The following CCDC178 variants were observed in gnomAD, a reference collection of about 807,000 sequenced individuals.
The protein encoded by CCDC178 is coiled-coil domain containing 178.
In CCDC178, 126 loss-of-function variants were observed where a neutral mutation model predicts 117.4. The ratio of observed to expected loss-of-function variants is 1.07; its 90% CI spans 0.93 to 1.24. CCDC178 has a LOEUF of 1.24. Among genes scored for constraint, CCDC178 ranks in the 50% most tolerant of loss-of-function variants. The pLI is 0.00. For missense variants in CCDC178, 1,030 were observed against 986.9 expected (o/e 1.04, Z -0.59); for synonymous variants, 283 against 313.4 (o/e 0.90, Z 1.02).
intron 21 of CCDC178, among the ~76,000 whole-genome samples, chr18:33,036,593 T>C (rs927085092): frequency 6.6e-6 from 1 of 151,820 alleles, no homozygotes; most frequent in Non-Finnish European, 1.5e-5. Context: ...AGAAAGGGTA[T>C]GGCACGAGCA....
At chr18:33,388,988 G>C (rs986204236) in intron 5 of CCDC178, among the ~76,000 whole-genome samples, 88 of 152,118 alleles carry the variant, frequency 5.8e-4, no homozygotes, top group Non-Finnish European at 8.8e-4. Context: ...GGGCCTGTAG[G>C]GGGAGGGCAG....
intron 21 of CCDC178, among the ~76,000 whole-genome samples, chr18:33,041,226 T>G (rs1332703903): frequency 6.6e-6 from 1 of 151,854 alleles, no homozygotes; most frequent in Admixed American, 6.6e-5. Context: ...TGAGACATCT[T>G]ATTGATGTTT....
chr18:32,960,609 T>C (rs2054686850), intron 22 of CCDC178, among the ~76,000 whole-genome samples: 1 of 152,122 alleles, frequency 6.6e-6, no homozygotes, highest in African/African-American at 2.4e-5. Context: ...GCAATAAAGA[T>C]AGTCCCTAAA....
chr18:32,954,104 A>T (rs1055619266), intron 22 of CCDC178: 1 of 152,206 alleles, frequency 6.6e-6, no homozygotes. Context: ...TTATAAAAAA[A>T]GTTCTTCAAG....
chr18:32,983,229 C>A, intron 21 of CCDC178: 1 of 1,019,460 alleles, frequency 9.8e-7, no homozygotes, highest in Admixed American at 2.0e-5. Context: ...TTAGAGGTTA[C>A]AGTATTTCTG....
intron 21 of CCDC178, among the ~76,000 whole-genome samples, chr18:32,997,639 C>T: frequency 6.6e-6 from 1 of 152,008 alleles, no homozygotes; most frequent in Middle Eastern, 3.4e-3. Flanking sequence ...AGTATATATA[C>T]ATACCTGTGT....
At chr18:33,139,664 C>A (rs2058173607) in intron 20 of CCDC178, among the ~76,000 whole-genome samples, 2 of 152,114 alleles carry the variant, frequency 1.3e-5, no homozygotes, top group African/African-American at 4.8e-5. Flanking sequence ...GCAAAGCATT[C>A]AAGAGGTGAC....
intron 20 of CCDC178, among the ~76,000 whole-genome samples, chr18:33,187,086 G>GGAGAGAGAGAGAGAGAGAGAGAGAGAGA (rs58400297): frequency 1.4e-5 from 2 of 140,040 alleles, no homozygotes; most frequent in Non-Finnish European, 1.5e-5. Flanking sequence ...CATGGCGGCA[G>GGAGAGAGAGAGAGAGAGAGAGAGAGAGA]GAGAGAGAGA....
intron 20 of CCDC178, among the ~76,000 whole-genome samples, chr18:33,105,442 C>T (rs2057692208): frequency 6.6e-6 from 1 of 151,522 alleles, no homozygotes; most frequent in South Asian, 2.1e-4. Context: ...TGCATTAATA[C>T]CAATACTTTC....
At chr18:33,176,003 C>A (rs1302823547) in intron 20 of CCDC178, among the ~76,000 whole-genome samples, 1 of 152,028 alleles carries the variant, frequency 6.6e-6, no homozygotes, top group Non-Finnish European at 1.5e-5. Flanking sequence ...TCCACCAGGA[C>A]ACCTATGTAG....
At chr18:33,231,380 A>C (rs556644142) in intron 15 of CCDC178, among the ~76,000 whole-genome samples, 1 of 152,228 alleles carries the variant, frequency 6.6e-6, no homozygotes, top group African/African-American at 2.4e-5. Flanking sequence ...AGATTAAAAG[A>C]GACTCAAAAG....
chr18:33,377,442 G>A (rs1283728085), intron 5 of CCDC178, among the ~76,000 whole-genome samples: 1 of 152,214 alleles, frequency 6.6e-6, no homozygotes, highest in Non-Finnish European at 1.5e-5. Flanking sequence ...AAGACTTTTA[G>A]ATTAATTAAA....
intron 21 of CCDC178, among the ~76,000 whole-genome samples, chr18:33,021,600 A>T (rs2056118860): frequency 6.6e-6 from 1 of 152,168 alleles, no homozygotes; most frequent in South Asian, 2.1e-4. Flanking sequence ...GTCTGTGACA[A>T]AAGTATCACT....
chr18:33,023,933 C>T (rs2144837561), intron 21 of CCDC178, among the ~76,000 whole-genome samples: 1 of 152,182 alleles, frequency 6.6e-6, no homozygotes, highest in African/African-American at 2.4e-5. Flanking sequence ...ATCTTGTTGA[C>T]ATCAAAAGAA....
intron 21 of CCDC178, among the ~76,000 whole-genome samples, chr18:33,047,337 T>G (rs1036594002): frequency 3.3e-5 from 5 of 152,226 alleles, no homozygotes; most frequent in African/African-American, 1.2e-4. Context: ...ATAACGTCTG[T>G]GTCTCACAGT....
intron 7 of CCDC178, among the ~76,000 whole-genome samples, chr18:33,353,017 A>G (rs2062998265): frequency 6.6e-6 from 1 of 152,042 alleles, no homozygotes; most frequent in African/African-American, 2.4e-5. Flanking sequence ...TTAAATTCTC[A>G]AAGTCCTGTT....
intron 21 of CCDC178, among the ~76,000 whole-genome samples, chr18:33,027,759 A>C (rs556360223): frequency 1.3e-5 from 2 of 151,854 alleles, no homozygotes; most frequent in African/African-American, 4.8e-5. Flanking sequence ...AAGTCATAAA[A>C]TTTCAAGTGA....
intron 3 of CCDC178, among the ~76,000 whole-genome samples, chr18:33,402,206 T>C (rs2063717674): frequency 1.3e-5 from 2 of 152,140 alleles, no homozygotes; most frequent in Admixed American, 1.3e-4. Context: ...CTTTGAAAAA[T>C]CTACCTCTCC....
intron 20 of CCDC178, among the ~76,000 whole-genome samples, chr18:33,117,558 C>A (rs372859770): frequency 5.3e-5 from 8 of 151,608 alleles, no homozygotes; most frequent in Admixed American, 1.3e-4. Flanking sequence ...CATCACACAC[C>A]GGGGCCTGTC....
Sources: gnomAD v4.1 joint callset for allele counts (sites outside exome capture counted in the v4.1 genomes callset) on GRCh38, gnomAD v4.1.1 for gene constraint, MANE v1.5 for transcripts, NCBI Gene and HGNC (gene_info 2026-07-23, HGNC 2026-07-21) for gene names.